Variants in SOX6 observed in about 807,000 individuals in gnomAD.
SOX6 encodes the protein transcription factor SOX-6.
A neutral mutation model predicts 97.8 loss-of-function variants in SOX6; 11 were observed. That is an observed-to-expected ratio of 0.11 (90% CI 0.07 to 0.19). SOX6 has a LOEUF of 0.19. Among genes scored for constraint, SOX6 ranks in the 10% least tolerant of loss-of-function variants. SOX6 has a pLI of 1.00. For missense variants in SOX6, 810 were observed against 1,039.5 expected (o/e 0.78, Z 3.04); for synonymous variants, 360 against 371.4 (o/e 0.97, Z 0.35).
chr11:16,132,507 A>AGAAAGAAAGAAG (rs1849845344), intron 6 of SOX6, among the ~76,000 whole-genome samples: 1 of 150,508 alleles, frequency 6.6e-6, no homozygotes, highest in Non-Finnish European at 1.5e-5. Flanking sequence ...AAAGAAAGAA[A>AGAAAGAAAGAAG]GCTTATCTTT....
At chr11:16,006,938 A>T (rs948519614) in intron 13 of SOX6, among the ~76,000 whole-genome samples, 7 of 152,160 alleles carry the variant, frequency 4.6e-5, no homozygotes, top group Middle Eastern at 3.4e-3. Flanking sequence ...CTGGTTAGAA[A>T]GTCCTGGTTC....
chr11:16,346,330 G>A (rs1856775446), intron 1 of SOX6, among the ~76,000 whole-genome samples: 2 of 151,986 alleles, frequency 1.3e-5, no homozygotes, highest in South Asian at 2.1e-4. Flanking sequence ...AAGGACACCA[G>A]TCCACCCAGC....
chr11:16,371,179 T>C (rs1857485803), intron 1 of SOX6, among the ~76,000 whole-genome samples: 1 of 151,942 alleles, frequency 6.6e-6, no homozygotes, highest in South Asian at 2.1e-4. Flanking sequence ...GCCACTCTGA[T>C]CTCATCCCTC....
intron 1 of SOX6, among the ~76,000 whole-genome samples, chr11:16,349,312 T>C (rs1039797545): frequency 2.6e-5 from 4 of 152,044 alleles, no homozygotes; most frequent in African/African-American, 9.7e-5. Context: ...GTCATTTTTA[T>C]CAGAAAATAT....
intron 1 of SOX6, among the ~76,000 whole-genome samples, chr11:16,390,440 C>T (rs1269966896): frequency 6.6e-6 from 1 of 152,170 alleles, no homozygotes; most frequent in Non-Finnish European, 1.5e-5. Context: ...AGTTGTTACC[C>T]TCACTCAATT....
At chr11:16,200,086 A>G (rs993694885) in intron 4 of SOX6, among the ~76,000 whole-genome samples, 19 of 152,298 alleles carry the variant, frequency 1.2e-4, no homozygotes, top group Admixed American at 1.1e-3. Context: ...AAATTAATTC[A>G]CCTTCCATAA....
intron 1 of SOX6, among the ~76,000 whole-genome samples, chr11:16,341,736 T>C (rs942050978): frequency 6.6e-6 from 1 of 152,050 alleles, no homozygotes; most frequent in Non-Finnish European, 1.5e-5. Context: ...TAGGAAAATA[T>C]AATCAGGAGA....
chr11:16,520,632 CAG>C (rs1861044128), intron 4 of SOX6, among the ~76,000 whole-genome samples: 1 of 152,208 alleles, frequency 6.6e-6, no homozygotes, highest in South Asian at 2.1e-4. Context: ...GGGCGTAGGA[CAG>C]TGGGTGCAGC....
In SOX6 at chr11:15,967,630, AG is replaced by A. The variant is rs1170557267; in HGVS notation, c.*5178del. ...ACAATAAAGACTGCACTTTCAAAAA[AG>A]CAAAAACACATATGACAAAGGAAGA... On this transcript the variant is annotated 3_prime_UTR_variant, in exon 16 of 16. Transcript: ENST00000683767. The A allele has an allele frequency of 6.6e-6, 1 of 152,242 alleles. No homozygotes were observed. Among genetic ancestry groups the A allele is most frequent in the Non-Finnish European group, 1.5e-5 (1 of 68,038 alleles). The allele number at this position is 152,242 out of a possible 1,614,324, so 9.4% of individuals were successfully genotyped here.
chr11:16,512,499 C>A (rs1340780491), intron 4 of SOX6, among the ~76,000 whole-genome samples: 1 of 152,134 alleles, frequency 6.6e-6, no homozygotes, highest in Non-Finnish European at 1.5e-5. Context: ...GTGTGCAGTG[C>A]TCAAGAAGCA....
At chr11:16,595,216 G>C (rs10832647) in intron 4 of SOX6, among the ~76,000 whole-genome samples, 40,322 of 151,300 alleles carry the variant, frequency 0.27, 6,131 homozygotes, top group East Asian at 0.53. Context: ...TACCAACAAT[G>C]CAAGTCTCCA....
chr11:16,228,131 GA>G (rs1852737924), intron 4 of SOX6, among the ~76,000 whole-genome samples: 1 of 151,664 alleles, frequency 6.6e-6, no homozygotes, highest in East Asian at 2.0e-4. Flanking sequence ...CCGGGAGGCA[GA>G]GGTTGCAGTG....
intron 3 of SOX6, chr11:16,312,484 T>C (rs1335004143): frequency 1.3e-5 from 2 of 152,176 alleles, no homozygotes; most frequent in African/African-American, 4.8e-5. Context: ...GCACTATTAT[T>C]AAAGAGAGAT....
chr11:16,123,014 A>G (rs1393144790), intron 6 of SOX6, among the ~76,000 whole-genome samples: 1 of 152,052 alleles, frequency 6.6e-6, no homozygotes, highest in African/African-American at 2.4e-5. Flanking sequence ...GTAAGAAAAT[A>G]TAAAAATTGA....
At chr11:16,526,066 G>A (rs559934705) in intron 4 of SOX6, among the ~76,000 whole-genome samples, 3,662 of 152,266 alleles carry the variant, frequency 0.024, 70 homozygotes, top group Middle Eastern at 0.068. Context: ...CATTGTGGAA[G>A]TCAGTGTGGC....
At chr11:16,621,725 T>C (rs776410704) in intron 3 of SOX6, among the ~76,000 whole-genome samples, 72 of 152,210 alleles carry the variant, frequency 4.7e-4, no homozygotes, top group African/African-American at 1.6e-3. Flanking sequence ...TCCTATAGCA[T>C]ATCTATTAAT....
At chr11:16,701,090 G>T (rs1273321221) in intron 3 of SOX6, among the ~76,000 whole-genome samples, 1 of 152,182 alleles carries the variant, frequency 6.6e-6, no homozygotes, top group African/African-American at 2.4e-5. Context: ...ATTGTCAATA[G>T]TTGGTCTTCT....
rs965529767 is a variant in SOX6, at chr11:15,972,597, AAAC to A, written c.*209_*211del. 9.2e-5 allele frequency: 55 copies of A among 598,230 alleles called. No individual in the cohort carries two copies. Among genetic ancestry groups the A allele is most frequent in the South Asian group, 2.1e-4 (10 of 47,174 alleles). The allele number at this position is 598,230 out of a possible 1,614,324, so 37.1% of individuals were successfully genotyped here. A position where few individuals can be genotyped will look rare whatever the true frequency, so the allele number is the denominator to read the frequency against. ...TAATATGTCTTCACCTAAATTAAAA[AAAC>A]AACAACAACAACAATAACAATAACA... On this transcript the variant is annotated 3_prime_UTR_variant, in exon 16 of 16. Coordinates refer to ENST00000683767, the MANE Select transcript of SOX6 (RefSeq NM_001367873.1).
intron 6 of SOX6, among the ~76,000 whole-genome samples, chr11:16,172,096 C>G (rs138437437): frequency 1.5e-4 from 23 of 151,876 alleles, no homozygotes; most frequent in African/African-American, 5.3e-4. Flanking sequence ...ACACCACCCC[C>G]ACAGTTAGAC....
Sources: gnomAD v4.1 joint callset for allele counts (sites outside exome capture counted in the v4.1 genomes callset) on GRCh38, gnomAD v4.1.1 for gene constraint, MANE v1.5 for transcripts, NCBI Gene and HGNC (gene_info 2026-07-23, HGNC 2026-07-21) for gene names.